Variants in SKAP1 observed in about 807,000 individuals in gnomAD.
SKAP1 encodes src kinase-associated phosphoprotein 1.
Under a neutral mutation model 58.5 loss-of-function variants are expected in SKAP1, and 44 were observed. That is an observed-to-expected ratio of 0.75 (90% CI 0.59 to 0.97). The LOEUF is 0.97. SKAP1 is among the 50% of genes least tolerant of loss of function. The pLI is 0.00. For missense variants in SKAP1, 390 were observed against 435.2 expected, an observed-to-expected ratio of 0.90 and a Z score of 0.92; for synonymous variants, 127 against 149.7, an observed-to-expected ratio of 0.85 and a Z score of 1.11.
intron 4 of SKAP1, among the ~76,000 whole-genome samples, chr17:48,321,921 C>T (rs1274607148): frequency 6.6e-6 from 1 of 152,142 alleles, no homozygotes; most frequent in Non-Finnish European, 1.5e-5. Context: ...CTTCACAATC[C>T]ATACCCAAAT....
Position 48,182,450 on chromosome 17 carries a change from G to A in SKAP1, c.575C>T (p.Ala192Val). ...SQDRRSYEFTATSPAEARDWV... is the reference protein window; with the variant it reads ...SQDRRSYEFTVTSPAEARDWV... ...GTCTCTGGCTTCTGCTGGACTAGTA[G>A]CTGTAAACTAGAGAAAAATCAGTGA... is the stretch of plus-strand genomic sequence containing the variant. Residue 192 changes from alanine to valine, a missense_variant, in exon 8 of 13, where the codon GCT becomes GTT. Physicochemically the swap from Ala to Val is moderately conservative, Grantham distance 64 (BLOSUM62 0). Transcript: ENST00000336915. 1.2e-6 allele frequency: 2 copies of A among 1,606,364 alleles called. No homozygotes were observed. The highest frequency in any genetic ancestry group is 1.7e-6 in the Non-Finnish European group (2 of 1,175,436).
intron 4 of SKAP1, among the ~76,000 whole-genome samples, chr17:48,229,363 G>A (rs1236506157): frequency 6.6e-6 from 1 of 152,156 alleles, no homozygotes; most frequent in African/African-American, 2.4e-5. Context: ...GCTCACACCT[G>A]TAATCCCAGC....
chr17:48,227,723 T>C (rs920744141), intron 4 of SKAP1, among the ~76,000 whole-genome samples: 1 of 152,162 alleles, frequency 6.6e-6, no homozygotes, highest in African/African-American at 2.4e-5. Context: ...GAAATGAAGT[T>C]GACTGGCTAG....
intron 7 of SKAP1, among the ~76,000 whole-genome samples, chr17:48,184,420 A>G (rs1432715823): frequency 2.6e-5 from 4 of 152,222 alleles, no homozygotes; most frequent in South Asian, 4.1e-4. Flanking sequence ...ATCGGAGACT[A>G]TAAGTAAGGA....
intron 4 of SKAP1, among the ~76,000 whole-genome samples, chr17:48,295,353 T>G (rs1030918814): frequency 6.6e-6 from 1 of 152,116 alleles, no homozygotes; most frequent in Non-Finnish European, 1.5e-5. Context: ...AACTACAACT[T>G]GTATTTCCTT....
chr17:48,376,680 C>T (rs1157215206), intron 2 of SKAP1, among the ~76,000 whole-genome samples: 1 of 152,166 alleles, frequency 6.6e-6, no homozygotes, highest in African/African-American at 2.4e-5. Flanking sequence ...TTTGTTCTCT[C>T]AGTAGTAGAG....
intron 9 of SKAP1, among the ~76,000 whole-genome samples, chr17:48,174,033 C>T (rs2064252980): frequency 6.6e-6 from 1 of 152,026 alleles, no homozygotes; most frequent in South Asian, 2.1e-4. Context: ...TTCTTTTGGG[C>T]AACAGCACTT....
intron 4 of SKAP1, among the ~76,000 whole-genome samples, chr17:48,217,395 T>A (rs929523657): frequency 1.3e-5 from 2 of 151,976 alleles, no homozygotes; most frequent in African/African-American, 4.8e-5. Flanking sequence ...TGGTGCCAGA[T>A]AAAAACTGCA....
intron 11 of SKAP1, among the ~76,000 whole-genome samples, chr17:48,156,741 G>C (rs1025249382): frequency 2.0e-5 from 3 of 152,238 alleles, no homozygotes; most frequent in African/African-American, 7.2e-5. Context: ...CCTGCTGACT[G>C]TGCCACTGGT....
chr17:48,136,037 G>A (rs894879782), intron 12 of SKAP1, among the ~76,000 whole-genome samples: 7 of 152,276 alleles, frequency 4.6e-5, no homozygotes, highest in South Asian at 4.1e-4. Context: ...CCAATTCTAA[G>A]CTGGACACAG....
At chr17:48,346,918 C>A (rs935687545) in intron 3 of SKAP1, among the ~76,000 whole-genome samples, 4 of 152,116 alleles carry the variant, frequency 2.6e-5, no homozygotes, top group African/African-American at 9.7e-5. Context: ...CTTAGGAATT[C>A]TAAAAGCCCT....
At chr17:48,165,806 G>A (rs900458645) in intron 10 of SKAP1, among the ~76,000 whole-genome samples, 21 of 152,158 alleles carry the variant, frequency 1.4e-4, no homozygotes, top group African/African-American at 2.4e-4. Context: ...TCTGGCAGCC[G>A]TCTGAAATCA....
chr17:48,339,492 G>A (rs2066618408), intron 4 of SKAP1, among the ~76,000 whole-genome samples: 1 of 152,178 alleles, frequency 6.6e-6, no homozygotes. Context: ...CCATCAGTGA[G>A]AAGGAAGCAA....
intron 11 of SKAP1, among the ~76,000 whole-genome samples, chr17:48,146,482 G>T (rs2063834098): frequency 8.4e-6 from 1 of 118,536 alleles, no homozygotes; most frequent in Non-Finnish European, 1.9e-5. Context: ...AACAGAGCGA[G>T]ACTCCATTTA....
At chr17:48,240,591 A>C (rs906400093) in intron 4 of SKAP1, among the ~76,000 whole-genome samples, 2 of 152,172 alleles carry the variant, frequency 1.3e-5, no homozygotes, top group Non-Finnish European at 2.9e-5. Context: ...CAGCCTCAAA[A>C]ACCTGAGGTT....
intron 4 of SKAP1, among the ~76,000 whole-genome samples, chr17:48,326,134 T>C (rs1314371695): frequency 6.6e-6 from 1 of 152,198 alleles, no homozygotes; most frequent in African/African-American, 2.4e-5. Context: ...TTGTAATCCT[T>C]CCAGGGGTGT....
chr17:48,184,948 C>T (rs745331674), intron 6 of SKAP1, 101 bp from the exon 7 acceptor site: 15 of 1,173,902 alleles, frequency 1.3e-5, no homozygotes, highest in African/African-American at 4.6e-5. Flanking sequence ...ACAGCTGTTA[C>T]ATCCCTGAGG....
At chr17:48,349,546 A>G (rs548668611) in intron 3 of SKAP1, among the ~76,000 whole-genome samples, 159 of 152,300 alleles carry the variant, frequency 1.0e-3, no homozygotes, top group South Asian at 2.5e-3. Flanking sequence ...GTATTTCTAA[A>G]CAAGATCTAG....
chr17:48,318,749 A>G (rs1434937389), intron 4 of SKAP1, among the ~76,000 whole-genome samples: 1 of 152,194 alleles, frequency 6.6e-6, no homozygotes, highest in African/African-American at 2.4e-5. Context: ...CTATAGTCCC[A>G]GCTAGTCTGG....
Sources: allele counts gnomAD v4.1 joint callset (sites outside exome capture counted in the v4.1 genomes callset), GRCh38; gene constraint gnomAD v4.1.1; transcripts MANE v1.5; gene names NCBI Gene and HGNC (gene_info 2026-07-23, HGNC 2026-07-21).